MAP3K5: variants seen among roughly 807,000 people sequenced by gnomAD.
MAP3K5 encodes the protein ASK-1.
MAP3K5 carries 56 observed loss-of-function variants against 158.7 expected under a neutral mutation model. The observed-to-expected ratio is 0.35, with a 90% CI of 0.28 to 0.44. The LOEUF (loss-of-function observed/expected upper bound fraction) is 0.44. Ranked by LOEUF, MAP3K5 falls within the 20% of genes least tolerant of loss-of-function variation. MAP3K5 has a pLI of 1.00. For synonymous variants in MAP3K5, 579 were observed against 601.7 expected (o/e 0.96, Z 0.55); for missense variants, 1,294 against 1,674.8 (o/e 0.77, Z 3.97).
At chr6:136,776,463 T>G (rs1394883279) in intron 1 of MAP3K5, among the ~76,000 whole-genome samples, 1 of 152,198 alleles carries the variant, frequency 6.6e-6, no homozygotes, top group African/African-American at 2.4e-5. Context: ...CATTCTAGTC[T>G]TGAACTCTTG....
chr6:136,641,165 A>T (rs1777911778), intron 12 of MAP3K5, among the ~76,000 whole-genome samples: 1 of 152,214 alleles, frequency 6.6e-6, no homozygotes, highest in South Asian at 2.1e-4. Context: ...TATTTGAGAA[A>T]GTATCGACTG....
intron 8 of MAP3K5, among the ~76,000 whole-genome samples, chr6:136,668,225 A>AT (rs899876433): frequency 1.8e-4 from 28 of 151,606 alleles, no homozygotes; most frequent in Non-Finnish European, 4.0e-4. Flanking sequence ...ATAAAAAAAA[A>AT]TTTTTTTAAT....
chr6:136,764,765 T>C (rs556796996), intron 1 of MAP3K5, among the ~76,000 whole-genome samples: 1 of 152,340 alleles, frequency 6.6e-6, no homozygotes, highest in African/African-American at 2.4e-5. Flanking sequence ...CTTTAATATA[T>C]ATTTTCTCAG....
intron 1 of MAP3K5, among the ~76,000 whole-genome samples, chr6:136,768,036 C>T (rs1784034264): frequency 6.6e-6 from 1 of 152,176 alleles, no homozygotes. Context: ...CCCTAACTCA[C>T]ATGATAGATA....
chr6:136,688,144 T>G (rs1277006053), intron 7 of MAP3K5, among the ~76,000 whole-genome samples: 2 of 152,110 alleles, frequency 1.3e-5, no homozygotes, highest in African/African-American at 4.8e-5. Flanking sequence ...CTGGAAACCA[T>G]AATTCTCAGC....
chr6:136,776,483 G>T (rs150332726), intron 1 of MAP3K5, among the ~76,000 whole-genome samples: 3 of 152,106 alleles, frequency 2.0e-5, no homozygotes, highest in Non-Finnish European at 2.9e-5. Flanking sequence ...GTGCTCAAGC[G>T]ATCCACCAGC....
At chr6:136,726,533 C>T (rs1781974341) in intron 1 of MAP3K5, among the ~76,000 whole-genome samples, 1 of 151,880 alleles carries the variant, frequency 6.6e-6, no homozygotes, top group Non-Finnish European at 1.5e-5. Context: ...GCAGAGGCTG[C>T]AGTGAGCCAA....
chr6:136,772,098 T>TGG lies in MAP3K5; in HGVS notation c.448+19610_448+19611dup, dbSNP rs376876887. On this transcript the variant is annotated intron_variant, in intron 1 of 29. Coordinates refer to ENST00000359015, the MANE Select transcript of MAP3K5 (RefSeq NM_005923.4). ...TAATTTTTGTATTTTTTAGTAGAAATGGGGGGGGGGGGTTTACCATGTTGG... is the reference window on the plus strand; with the variant it reads ...TAATTTTTGTATTTTTTAGTAGAAATGGGGGGGGGGGGGGTTTACCATGTTGG... 8.7e-3 allele frequency among the ~76,000 whole-genome samples: 873 copies of TGG among 100,014 alleles called. 4 individuals are homozygous for TGG. Among genetic ancestry groups the TGG allele is most frequent in the African/African-American group, 0.017 (422 of 25,530 alleles). The allele number at this position is 100,014 out of a possible 152,430, so 65.6% of individuals were successfully genotyped here. A position where few individuals can be genotyped will look rare whatever the true frequency, so the allele number is the denominator to read the frequency against.
intron 23 of MAP3K5, among the ~76,000 whole-genome samples, chr6:136,591,308 C>T (rs550745415): frequency 1.4e-4 from 22 of 152,300 alleles, no homozygotes; most frequent in Admixed American, 4.6e-4. Flanking sequence ...TGTGTGTCTA[C>T]GTGGTCTCAG....
At chr6:136,612,653 C>T (rs2129091250) in intron 17 of MAP3K5, among the ~76,000 whole-genome samples, 1 of 152,138 alleles carries the variant, frequency 6.6e-6, no homozygotes, top group Admixed American at 6.5e-5. Context: ...GAATCTATAC[C>T]TTATAATTAT....
chr6:136,674,017 A>G (rs1357397912), intron 7 of MAP3K5, among the ~76,000 whole-genome samples: 2 of 152,134 alleles, frequency 1.3e-5, no homozygotes, highest in Admixed American at 6.5e-5. Context: ...AATCAGCCAG[A>G]GAAAAAAGAT....
At chr6:136,688,690 G>C (rs1057095024) in intron 7 of MAP3K5, among the ~76,000 whole-genome samples, 1 of 152,084 alleles carries the variant, frequency 6.6e-6, no homozygotes. Flanking sequence ...AACTTTATGC[G>C]ACCTTGAAAG....
intron 1 of MAP3K5, among the ~76,000 whole-genome samples, chr6:136,786,800 CTTTTTTTTTTT>C (rs11296757): frequency 3.0e-5 from 3 of 101,186 alleles, no homozygotes; most frequent in African/African-American, 4.1e-5. Flanking sequence ...TTAAGTTCTT[CTTTTTTTTTTT>C]TTTTTTTTTT....
chr6:136,755,599 C>G (rs2114942306), intron 1 of MAP3K5, among the ~76,000 whole-genome samples: 1 of 149,004 alleles, frequency 6.7e-6, no homozygotes, highest in African/African-American at 2.5e-5. Context: ...CGCCTGTGGT[C>G]ACAGCTAAGA....
intron 13 of MAP3K5, among the ~76,000 whole-genome samples, chr6:136,638,768 G>A (rs1369718375): frequency 1.3e-5 from 2 of 151,976 alleles, no homozygotes; most frequent in Non-Finnish European, 2.9e-5. Flanking sequence ...ATGAACGACT[G>A]TATATTGTAG....
At chr6:136,667,229 A>G (rs774442433) in intron 8 of MAP3K5, among the ~76,000 whole-genome samples, 75 of 152,352 alleles carry the variant, frequency 4.9e-4, no homozygotes, top group Non-Finnish European at 7.1e-4. Context: ...TGAAAAATAT[A>G]TATCTATTGC....
At chr6:136,739,002 A>G (rs568569882) in intron 1 of MAP3K5, among the ~76,000 whole-genome samples, 77 of 152,186 alleles carry the variant, frequency 5.1e-4, no homozygotes, top group African/African-American at 1.8e-3. Flanking sequence ...CAGAAAGCTT[A>G]TGATCTAGCA....
chr6:136,739,972 C>G (rs1353275800), intron 1 of MAP3K5, among the ~76,000 whole-genome samples: 1 of 152,162 alleles, frequency 6.6e-6, no homozygotes, highest in African/African-American at 2.4e-5. Context: ...TCAGCAGGAG[C>G]CCCTCTTTAC....
intron 21 of MAP3K5, 112 bp from the exon 22 acceptor site, chr6:136,592,726 G>A (rs748963432): frequency 5.4e-6 from 5 of 919,028 alleles, no homozygotes. Flanking sequence ...GTTGCAATGA[G>A]CAGCATAATT....
Sources: gnomAD v4.1 joint callset for allele counts (sites outside exome capture counted in the v4.1 genomes callset) on GRCh38, gnomAD v4.1.1 for gene constraint, MANE v1.5 for transcripts, NCBI Gene and HGNC (gene_info 2026-07-23, HGNC 2026-07-21) for gene names.